Variants in POMK observed in about 807,000 individuals in gnomAD.
POMK encodes the protein Sugen kinase 196.
A neutral mutation model predicts 23.0 loss-of-function variants in POMK; 19 were observed. That is an observed-to-expected ratio of 0.83 (90% CI 0.58 to 1.21). The LOEUF (loss-of-function observed/expected upper bound fraction) is 1.21, where lower values mean the gene tolerates loss of function less well. Among genes scored for constraint, POMK ranks in the 50% most tolerant of loss-of-function variants. POMK has a pLI of 0.00. For missense variants in POMK, 410 were observed against 431.3 expected, an observed-to-expected ratio of 0.95 and a Z score of 0.44; for synonymous variants, 173 against 171.6, an observed-to-expected ratio of 1.01 and a Z score of -0.06.
At chr8:43,119,520 C>T (rs1187456612) in intron 4 of POMK, among the ~76,000 whole-genome samples, 5 of 146,964 alleles carry the variant, frequency 3.4e-5, no homozygotes, top group Admixed American at 7.0e-5. Flanking sequence ...TCAGCCTCTG[C>T]CTCCTGGGTT....
chr8:43,102,073 ACT>A (rs887651151), intron 2 of POMK, among the ~76,000 whole-genome samples: 2 of 151,838 alleles, frequency 1.3e-5, no homozygotes, highest in African/African-American at 2.4e-5. Flanking sequence ...CTACACAGTT[ACT>A]CTCTATCTTT....
chr8:43,109,165 G>A (rs1350354322), intron 4 of POMK, among the ~76,000 whole-genome samples: 5 of 152,064 alleles, frequency 3.3e-5, no homozygotes, highest in Non-Finnish European at 5.9e-5. Flanking sequence ...AATACCAAAC[G>A]TTTAAAACAT....
intron 4 of POMK, among the ~76,000 whole-genome samples, chr8:43,117,438 G>T (rs532463946): frequency 5.3e-5 from 8 of 152,216 alleles, no homozygotes; most frequent in Admixed American, 5.2e-4. Flanking sequence ...CACAGTGAGT[G>T]GGCTGAGGAG....
chr8:43,115,124 A>C (rs867887974), intron 4 of POMK, among the ~76,000 whole-genome samples: 1 of 152,210 alleles, frequency 6.6e-6, no homozygotes, highest in Non-Finnish European at 1.5e-5. Context: ...GTTTGAGGCT[A>C]TATTTAATGC....
intron 4 of POMK, among the ~76,000 whole-genome samples, chr8:43,118,582 T>G (rs1811849172): frequency 6.6e-6 from 1 of 152,188 alleles, no homozygotes; most frequent in Admixed American, 6.5e-5. Context: ...AGAAAATGAT[T>G]AAAAGCAACT....
intron 4 of POMK, among the ~76,000 whole-genome samples, chr8:43,116,126 A>G (rs1448277988): frequency 6.6e-6 from 1 of 152,216 alleles, no homozygotes; most frequent in African/African-American, 2.4e-5. Flanking sequence ...TACTTTATAC[A>G]TTTCCTATTT....
At chr8:43,117,865 G>T (rs1338362392) in intron 4 of POMK, among the ~76,000 whole-genome samples, 1 of 152,154 alleles carries the variant, frequency 6.6e-6, no homozygotes, top group East Asian at 1.9e-4. Flanking sequence ...GGTAATGATG[G>T]CAATAGATAT....
At chr8:43,112,036 C>A (rs1357240993) in intron 4 of POMK, among the ~76,000 whole-genome samples, 1 of 152,206 alleles carries the variant, frequency 6.6e-6, no homozygotes, top group East Asian at 1.9e-4. Flanking sequence ...GAACGCAGCT[C>A]CTCACCAGCA....
chr8:43,108,666 T>C (rs1811591423), intron 4 of POMK, among the ~76,000 whole-genome samples: 1 of 131,080 alleles, frequency 7.6e-6, no homozygotes, highest in Non-Finnish European at 1.6e-5. Context: ...CAGCTTTCCA[T>C]GAGAGTTCTA....
In POMK at chr8:43,122,426, T is replaced by C; in HGVS notation, c.602T>C (p.Val201Ala). Residue 201 changes from valine to alanine, a missense_variant, in exon 5 of 5, where the codon GTC becomes GCC. Transcript: ENST00000331373. ...YLHHSPVGTR[V>A]MCDSNDLPKT... ...CACCACAGCCCTGTGGGCACACGGG[T>C]CATGTGCGACTCCAACGACCTGCCG... 2 of 1,614,032 alleles carry C rather than the reference T, an allele frequency of 1.2e-6. No homozygotes were observed. Among genetic ancestry groups the C allele is most frequent in the South Asian group, 1.1e-5 (1 of 91,074 alleles).
At chr8:43,108,490 C>T (rs1586673903) in intron 4 of POMK, among the ~76,000 whole-genome samples, 2 of 152,158 alleles carry the variant, frequency 1.3e-5, no homozygotes, top group African/African-American at 4.8e-5. Flanking sequence ...ATTTTATTCA[C>T]AGGAGTGTAC....
intron 4 of POMK, among the ~76,000 whole-genome samples, chr8:43,110,775 G>C (rs573147920): frequency 2.0e-5 from 3 of 152,146 alleles, no homozygotes; most frequent in Non-Finnish European, 4.4e-5. Context: ...TTAGCCGGGC[G>C]TTGTGCTGGG....
Position 43,103,597 on chromosome 8 carries a change from G to A in POMK, c.49G>A (p.Val17Met). The A allele has an allele frequency of 6.2e-7, 1 of 1,614,142 alleles. No individual in the cohort carries two copies. The highest frequency in any genetic ancestry group is 8.5e-7 in the Non-Finnish European group (1 of 1,180,022). ...NSRRGLAPRE[V>M]PPAVGLLLIM... ...CAGGAGAGGCCTCGCCCCCCGAGAGGTGCCGCCAGCTGTTGGGCTGCTGCT... is the reference window on the plus strand; with the variant it reads ...CAGGAGAGGCCTCGCCCCCCGAGAGATGCCGCCAGCTGTTGGGCTGCTGCT... The change falls in exon 4 of 5, where the codon GTG (valine) becomes ATG (methionine). Residue 17 changes from valine to methionine, a missense_variant. Transcript: ENST00000331373.
chr8:43,094,723 C>A (rs965017378), intron 1 of POMK, among the ~76,000 whole-genome samples: 1 of 152,150 alleles, frequency 6.6e-6, no homozygotes, highest in Non-Finnish European at 1.5e-5. Flanking sequence ...TCTTGTAAGT[C>A]GGTAAAAACT....
intron 4 of POMK, among the ~76,000 whole-genome samples, chr8:43,111,409 A>C (rs1487740244): frequency 6.6e-6 from 1 of 152,232 alleles, no homozygotes; most frequent in Non-Finnish European, 1.5e-5. Flanking sequence ...TGAGTAGGTA[A>C]ACAAAGCAGC....
At position 43,122,501 on chromosome 8, in the gene POMK, A is replaced by T; in HGVS notation, c.677A>T (p.Asn226Ile). The change falls in exon 5 of 5, where the codon AAT (asparagine) becomes ATT (isoleucine). Residue 226 changes from asparagine to isoleucine, a missense_variant. Transcript: ENST00000331373. ...LLTSNFSILA[N>I]DLDALPLVNH... ...ACAAGCAACTTCAGCATTTTGGCAAATGACTTGGACGCCTTACCCCTGGTG... is the reference window on the plus strand; with the variant it reads ...ACAAGCAACTTCAGCATTTTGGCAATTGACTTGGACGCCTTACCCCTGGTG... 6.2e-7 allele frequency: 1 copy of T among 1,614,148 alleles called. No individual in the cohort carries two copies. Among genetic ancestry groups the T allele is most frequent in the East Asian group, 2.2e-5 (1 of 44,878 alleles).
At chr8:43,110,841 A>T (rs1811639696) in intron 4 of POMK, among the ~76,000 whole-genome samples, 1 of 152,044 alleles carries the variant, frequency 6.6e-6, no homozygotes, top group Non-Finnish European at 1.5e-5. Context: ...TTGAAGCTGA[A>T]GCCGGGAGGC....
chr8:43,103,201 A>G (rs1811477754), intron 3 of POMK, among the ~76,000 whole-genome samples: 1 of 152,234 alleles, frequency 6.6e-6, no homozygotes, highest in Non-Finnish European at 1.5e-5. Flanking sequence ...CAGTTGACTA[A>G]TACATTTTGC....
intron 4 of POMK, among the ~76,000 whole-genome samples, chr8:43,116,404 A>G (rs1811799545): frequency 6.6e-6 from 1 of 152,004 alleles, no homozygotes; most frequent in Admixed American, 6.6e-5. Flanking sequence ...AACTGGGACC[A>G]CAGGCGTGTG....
Sources: allele counts gnomAD v4.1 joint callset (sites outside exome capture counted in the v4.1 genomes callset), GRCh38; gene constraint gnomAD v4.1.1; transcripts MANE v1.5; gene names NCBI Gene and HGNC (gene_info 2026-07-23, HGNC 2026-07-21).